RTN1: variants seen among roughly 807,000 people sequenced by gnomAD.
RTN1 encodes the protein reticulon-1.
A neutral mutation model predicts 65.5 loss-of-function variants in RTN1; 25 were observed. That is an observed-to-expected ratio of 0.38 (90% CI 0.28 to 0.53). The LOEUF (loss-of-function observed/expected upper bound fraction) is 0.53. Among genes scored for constraint, RTN1 ranks in the 20% least tolerant of loss-of-function variants. The pLI is 0.79. For synonymous variants in RTN1, 471 were observed against 447.6 expected, an observed-to-expected ratio of 1.05 and a Z score of -0.66; for missense variants, 983 against 1,025.4, an observed-to-expected ratio of 0.96 and a Z score of 0.57.
At chr14:59,799,803 TG>T (rs1259628625) in intron 1 of RTN1, among the ~76,000 whole-genome samples, 3 of 152,122 alleles carry the variant, frequency 2.0e-5, no homozygotes, top group Non-Finnish European at 2.9e-5. Flanking sequence ...TGTAAGTCAC[TG>T]GGCTGGGGTT....
Position 59,667,958 on chromosome 14 carries a change from A to G in RTN1, c.1765+58961T>C, listed in dbSNP as rs139638112. On this transcript the variant is annotated intron_variant, in intron 3 of 8. Transcript: ENST00000267484. Reference sequence around the variant, plus strand: ...ACTGCTCAACGAAATAAAAGAGGACACGAACAAATGGAAGAATATTCCATG... The same window carrying G: ...ACTGCTCAACGAAATAAAAGAGGACGCGAACAAATGGAAGAATATTCCATG... 3.3e-5 allele frequency among the ~76,000 whole-genome samples: 5 copies of G among 152,346 alleles called. No homozygotes were observed. The East Asian group carries it at 9.6e-4, about 29-fold the overall frequency.
intron 3 of RTN1, among the ~76,000 whole-genome samples, chr14:59,675,361 C>T (rs1275524470): frequency 6.7e-6 from 1 of 150,328 alleles, no homozygotes; most frequent in Non-Finnish European, 1.5e-5. Flanking sequence ...AGTCAGAATG[C>T]TCAGTAGGAA....
chr14:59,825,783 G>T lies in RTN1; in HGVS notation c.241+44607C>A, dbSNP rs1330344767. On this transcript the variant is annotated intron_variant, in intron 1 of 8. Transcript: ENST00000267484. This position sits in a 1 kb window ranked among gnomAD's most constrained non-coding sequence, Gnocchi z 4.2. ...AGAGAAAATAAAACATAGACCTCGGGTATGCCATAGAAACTAAATGGCATT... is the reference window on the plus strand; with the variant it reads ...AGAGAAAATAAAACATAGACCTCGGTTATGCCATAGAAACTAAATGGCATT... 6.6e-6 allele frequency among the ~76,000 whole-genome samples: 1 copy of T among 152,140 alleles called. No individual in the cohort carries two copies.
chr14:59,633,449 T>G (rs1001253407), intron 3 of RTN1, among the ~76,000 whole-genome samples: 1 of 152,248 alleles, frequency 6.6e-6, no homozygotes, highest in Non-Finnish European at 1.5e-5. Flanking sequence ...CTTTAGGTGT[T>G]TGTCATTATG....
At chr14:59,660,728 C>T (rs1220962783) in intron 3 of RTN1, among the ~76,000 whole-genome samples, 1 of 152,002 alleles carries the variant, frequency 6.6e-6, no homozygotes, top group Non-Finnish European at 1.5e-5. Flanking sequence ...TCGGACACAG[C>T]TAAAGCAATG....
chr14:59,734,991 G>A (rs886941036), intron 2 of RTN1, among the ~76,000 whole-genome samples: 17 of 152,062 alleles, frequency 1.1e-4, no homozygotes, highest in Admixed American at 8.5e-4. Context: ...CACAGAGAAA[G>A]ACCAGGACAT....
chr14:59,735,711 A>G (rs1223867623), intron 2 of RTN1, among the ~76,000 whole-genome samples: 6 of 152,210 alleles, frequency 3.9e-5, no homozygotes, highest in Admixed American at 2.0e-4. Flanking sequence ...ATATGCACAC[A>G]ACACGTGGGC....
chr14:59,688,800 A>G (rs1479764048), intron 3 of RTN1, among the ~76,000 whole-genome samples: 1 of 152,170 alleles, frequency 6.6e-6, no homozygotes, highest in Non-Finnish European at 1.5e-5. Context: ...TATTATAGGG[A>G]AAGACAGAAA....
At chr14:59,618,407 T>C (rs186340934) in intron 3 of RTN1, among the ~76,000 whole-genome samples, 1 of 152,240 alleles carries the variant, frequency 6.6e-6, no homozygotes, top group Admixed American at 6.5e-5. Context: ...ACCCAGGAAC[T>C]GACTGAGCAC....
chr14:59,728,249 C>CTTTTTTTTTTTT (rs200434592), intron 2 of RTN1, among the ~76,000 whole-genome samples: 3 of 124,198 alleles, frequency 2.4e-5, no homozygotes, highest in African/African-American at 8.9e-5. Flanking sequence ...GAATCAGTAT[C>CTTTTTTTTTTTT]TTTTTTTTTT....
At position 59,684,493 on chromosome 14, in the gene RTN1, G is replaced by C. The variant is rs373697890; in HGVS notation, c.1765+42426C>G. Among the ~76,000 whole-genome samples, 15 of 151,920 alleles carry C rather than the reference G, an allele frequency of 9.9e-5. No homozygotes were observed. In the East Asian group the frequency reaches 2.5e-3, roughly 25 times the overall value. On this transcript the variant is annotated intron_variant, in intron 3 of 8. Coordinates refer to ENST00000267484, the MANE Select transcript of RTN1 (RefSeq NM_021136.3). ...TCTATAAAAATAAGAAGCATGTTTAGACTCAAAGAAAGGAAACTGTGATCT... is the reference window on the plus strand; with the variant it reads ...TCTATAAAAATAAGAAGCATGTTTACACTCAAAGAAAGGAAACTGTGATCT...
chr14:59,684,839 T>G (rs898880856), intron 3 of RTN1, among the ~76,000 whole-genome samples: 2 of 152,166 alleles, frequency 1.3e-5, no homozygotes, highest in Admixed American at 6.5e-5. Context: ...CATAGAAATC[T>G]GAAATCATTC....
At chr14:59,660,989 A>G (rs1436549168) in intron 3 of RTN1, among the ~76,000 whole-genome samples, 1 of 152,068 alleles carries the variant, frequency 6.6e-6, no homozygotes, top group African/African-American at 2.4e-5. Flanking sequence ...TAAGACTGCT[A>G]GCCAGACTAA....
chr14:59,698,378 C>T (rs1255406196), intron 3 of RTN1, among the ~76,000 whole-genome samples: 2 of 152,154 alleles, frequency 1.3e-5, no homozygotes, highest in South Asian at 2.1e-4. Flanking sequence ...TCATAGCTGC[C>T]TGCCATTTTT....
At chr14:59,651,456 C>T (rs1883018405) in intron 3 of RTN1, among the ~76,000 whole-genome samples, 1 of 151,980 alleles carries the variant, frequency 6.6e-6, no homozygotes. Context: ...CTAGGCAATA[C>T]CACTCAAGAC....
At chr14:59,731,622 T>C (rs1884898296) in intron 2 of RTN1, among the ~76,000 whole-genome samples, 1 of 152,230 alleles carries the variant, frequency 6.6e-6, no homozygotes, top group African/African-American at 2.4e-5. Flanking sequence ...ATCTGAATTC[T>C]ACTGAATACA....
At chr14:59,604,054 G>A in intron 5 of RTN1, 133 bp from the exon 6 acceptor site, 1 of 573,490 alleles carries the variant, frequency 1.7e-6, no homozygotes, top group Non-Finnish European at 3.2e-6. Context: ...GAAAGGCGTT[G>A]AAAGCTCATC....
At position 59,726,924 on chromosome 14, in the gene RTN1, T is replaced by C. The variant is rs745862380; in HGVS notation, c.1760A>G (p.Gln587Arg). ...APPPLLFLNK[Q>R]KAIDLLYWRD... ...CCCTGCTTGGGATCCTTTACCTTTTTGCTTATTGAGAAACAGCAGTGGGGG... is the reference window on the plus strand; with the variant it reads ...CCCTGCTTGGGATCCTTTACCTTTTCGCTTATTGAGAAACAGCAGTGGGGG... Residue 587 changes from glutamine to arginine, a missense_variant, in exon 3 of 9, where the codon CAA (glutamine) becomes CGA (arginine). Transcript: ENST00000267484. 1.9e-6 allele frequency: 3 copies of C among 1,611,404 alleles called. No individual in the cohort carries two copies. Among genetic ancestry groups the C allele is most frequent in the South Asian group, 1.1e-5 (1 of 90,566 alleles).
chr14:59,713,499 G>T (rs530451884), intron 3 of RTN1, among the ~76,000 whole-genome samples: 1 of 152,154 alleles, frequency 6.6e-6, no homozygotes, highest in African/African-American at 2.4e-5. Context: ...TTGGCATTCT[G>T]GTTTCGACCA....
Sources: allele counts gnomAD v4.1 joint callset (sites outside exome capture counted in the v4.1 genomes callset), GRCh38; gene constraint gnomAD v4.1.1; non-coding constraint Gnocchi (gnomAD v3.1); transcripts MANE v1.5; gene names NCBI Gene and HGNC (gene_info 2026-07-23, HGNC 2026-07-21).